The following LGSN variants were observed in gnomAD, a reference collection of about 807,000 sequenced individuals.
The protein encoded by LGSN is lengsin.
A neutral mutation model predicts 19.5 loss-of-function variants in LGSN; 21 were observed. The observed-to-expected ratio is 1.07, with a 90% CI of 0.76 to 1.55. LGSN has a LOEUF of 1.55. LGSN is among the 40% of genes most tolerant of loss of function. LGSN has a pLI of 0.00. For synonymous variants in LGSN, 257 were observed against 215.6 expected (o/e 1.19, Z -1.68); for missense variants, 673 against 608.5 (o/e 1.11, Z -1.12).
At chr6:63,371,380 C>A in the LGSN span, among the ~76,000 whole-genome samples, 2 of 152,206 alleles carry the variant, frequency 1.3e-5, no homozygotes, top group South Asian at 4.1e-4. Context: ...GCTCTGTAAA[C>A]CACTGAAAAC....
the LGSN span, among the ~76,000 whole-genome samples, chr6:63,405,352 C>G: frequency 2.6e-5 from 4 of 151,864 alleles, no homozygotes; most frequent in Non-Finnish European, 5.9e-5. Context: ...ACTGGTATTT[C>G]TAGTTCTAGA....
At chr6:63,450,934 C>A in the LGSN span, among the ~76,000 whole-genome samples, 1 of 152,062 alleles carries the variant, frequency 6.6e-6, no homozygotes, top group African/African-American at 2.4e-5. Context: ...CTTGGCCTCC[C>A]AAAGTGCTAG....
At chr6:63,371,578 G>T in the LGSN span, among the ~76,000 whole-genome samples, 1 of 152,198 alleles carries the variant, frequency 6.6e-6, no homozygotes, top group East Asian at 1.9e-4. Context: ...ACTCCTAAGA[G>T]CCAAAAGGAA....
chr6:63,505,575 A>AAG, the LGSN span, among the ~76,000 whole-genome samples: 28,493 of 79,942 alleles, frequency 0.36, 7,331 homozygotes, highest in Admixed American at 0.39. Context: ...AAAAGAAAGA[A>AAG]AGAAAGAAAG....
intron 2 of LGSN, among the ~76,000 whole-genome samples, chr6:63,287,447 A>C (rs1767584623): frequency 6.6e-6 from 1 of 152,094 alleles, no homozygotes; most frequent in South Asian, 2.1e-4. Flanking sequence ...TAATACCAGC[A>C]GGAGTGAGGT....
At chr6:63,381,289 T>C in the LGSN span, among the ~76,000 whole-genome samples, 2 of 152,216 alleles carry the variant, frequency 1.3e-5, no homozygotes, top group East Asian at 1.9e-4. Flanking sequence ...TTTTCTGCAA[T>C]CTGTATGCCA....
At chr6:63,477,263 C>A in the LGSN span, among the ~76,000 whole-genome samples, 4 of 152,158 alleles carry the variant, frequency 2.6e-5, no homozygotes, top group Non-Finnish European at 5.9e-5. Flanking sequence ...ACATGCTGTT[C>A]TAGAACAGTT....
chr6:63,312,157 CCCATT>C (rs1438163416), intron 1 of LGSN, among the ~76,000 whole-genome samples: 1 of 152,160 alleles, frequency 6.6e-6, no homozygotes, highest in Non-Finnish European at 1.5e-5. Flanking sequence ...TGAATACTAT[CCCATT>C]GTGTATATAT....
the LGSN span, among the ~76,000 whole-genome samples, chr6:63,522,862 CTTTTT>C: frequency 8.6e-3 from 1,092 of 126,394 alleles, 5 homozygotes; most frequent in Non-Finnish European, 0.012. Flanking sequence ...GACTAAATCA[CTTTTT>C]TTTTTTTTTT....
At chr6:63,358,486 T>C in the LGSN span, among the ~76,000 whole-genome samples, 1 of 152,192 alleles carries the variant, frequency 6.6e-6, no homozygotes, top group Non-Finnish European at 1.5e-5. Flanking sequence ...CTTCCATTTG[T>C]TTGTATCCTC....
chr6:63,285,408 T>C (rs1767484668), intron 3 of LGSN, among the ~76,000 whole-genome samples, 179 bp downstream of exon 3: 1 of 152,220 alleles, frequency 6.6e-6, no homozygotes, highest in Non-Finnish European at 1.5e-5. Context: ...AGAGTACATG[T>C]TTAGCTCCTT....
the LGSN span, among the ~76,000 whole-genome samples, chr6:63,399,204 T>G: frequency 6.6e-6 from 1 of 152,168 alleles, no homozygotes; most frequent in Non-Finnish European, 1.5e-5. Context: ...CCTACAGTAT[T>G]CAGTACAGTA....
the LGSN span, among the ~76,000 whole-genome samples, chr6:63,412,525 A>AGAAGGAAG: frequency 1.2e-5 from 1 of 84,226 alleles, no homozygotes. Context: ...AAAGAAAGAA[A>AGAAGGAAG]GAAGGAAAGA....
chr6:63,348,433 G>A, the LGSN span, among the ~76,000 whole-genome samples: 4 of 151,880 alleles, frequency 2.6e-5, no homozygotes, highest in Non-Finnish European at 1.5e-5. Flanking sequence ...CAGCCTGGGC[G>A]ACAGAGTTAG....
chr6:63,557,186 G>T, the LGSN span, among the ~76,000 whole-genome samples: 1 of 152,210 alleles, frequency 6.6e-6, no homozygotes, highest in Non-Finnish European at 1.5e-5. Flanking sequence ...GATGAATGCT[G>T]CAATAGAGGT....
At position 63,315,624 on chromosome 6, in the gene LGSN, G is replaced by C. The variant is rs1366286480; in HGVS notation, c.30+4290C>G. Reference sequence around the variant, plus strand: ...ATGTTCTCTCTCTCTCTCTCTGTGTGTGTGTGTGTGTGTGTGTGTGTGTGT... The same window carrying C: ...ATGTTCTCTCTCTCTCTCTCTGTGTCTGTGTGTGTGTGTGTGTGTGTGTGT... On this transcript the variant is annotated intron_variant, in intron 1 of 3. Coordinates refer to ENST00000370657, the MANE Select transcript of LGSN (RefSeq NM_016571.3). Among the ~76,000 whole-genome samples, 1,377 of 139,802 alleles carry C rather than the reference G, an allele frequency of 9.8e-3. 19 individuals carry two copies. The highest frequency in any genetic ancestry group is 0.032 in the African/African-American group (1,153 of 35,618). The allele number at this position is 139,802 out of a possible 152,430, so 91.7% of individuals were successfully genotyped here. A position where few individuals can be genotyped will look rare whatever the true frequency, so the allele number is the denominator to read the frequency against.
chr6:63,287,341 G>A (rs1230283997), intron 2 of LGSN, among the ~76,000 whole-genome samples: 1 of 152,030 alleles, frequency 6.6e-6, no homozygotes, highest in Non-Finnish European at 1.5e-5. Flanking sequence ...CTGAAATATT[G>A]GGTGTTCAGC....
chr6:63,412,526 GAAGGAAA>G, the LGSN span, among the ~76,000 whole-genome samples: 1,638 of 77,054 alleles, frequency 0.021, 17 homozygotes, highest in Non-Finnish European at 0.028. Context: ...AAGAAAGAAA[GAAGGAAA>G]GAAAGAAAGA....
chr6:63,562,586 T>A, the LGSN span, among the ~76,000 whole-genome samples: 8 of 152,276 alleles, frequency 5.3e-5, no homozygotes, highest in Non-Finnish European at 1.0e-4. Context: ...AACTAATTTC[T>A]ATCTCAGAGT....
Sources: allele counts gnomAD v4.1 joint callset (sites outside exome capture counted in the v4.1 genomes callset), GRCh38; gene constraint gnomAD v4.1.1; transcripts MANE v1.5; gene names NCBI Gene and HGNC (gene_info 2026-07-23, HGNC 2026-07-21).